ARHGAP25: variants seen among roughly 807,000 people sequenced by gnomAD.
ARHGAP25 encodes rho GTPase-activating protein 25.
ARHGAP25 carries 34 observed loss-of-function variants against 71.0 expected under a neutral mutation model. The observed-to-expected ratio is 0.48, with a 90% CI of 0.36 to 0.64. The LOEUF is 0.64. ARHGAP25 is among the 30% of genes least tolerant of loss of function. The probability of loss-of-function intolerance (pLI) is 0.00; values close to 1 mark genes in which losing one functional copy is unlikely to be tolerated. For missense variants in ARHGAP25, 706 were observed against 805.1 expected (o/e 0.88, Z 1.49); for synonymous variants, 282 against 296.5 (o/e 0.95, Z 0.50).
At chr2:68,746,866 GGT>G (rs1308009376) in intron 1 of ARHGAP25, among the ~76,000 whole-genome samples, 1 of 151,908 alleles carries the variant, frequency 6.6e-6, no homozygotes, top group Non-Finnish European at 1.5e-5. Context: ...AAATTAGCTG[GGT>G]GTAGTGACGC....
chr2:68,796,572 G>A (rs12713663), intron 4 of ARHGAP25, among the ~76,000 whole-genome samples: 34,150 of 152,164 alleles, frequency 0.22, 5,085 homozygotes, highest in African/African-American at 0.43. Context: ...CTTAGTGTGT[G>A]CAGTGGTGAA....
chr2:68,809,280 G>T (rs376644115), intron 5 of ARHGAP25, among the ~76,000 whole-genome samples: 3 of 152,132 alleles, frequency 2.0e-5, no homozygotes, highest in Non-Finnish European at 2.9e-5. Context: ...GCTGTGCCCC[G>T]CAATGGGCAG....
intron 5 of ARHGAP25, among the ~76,000 whole-genome samples, chr2:68,809,225 T>G (rs1229607075): frequency 6.6e-6 from 1 of 152,254 alleles, no homozygotes; most frequent in African/African-American, 2.4e-5. Context: ...CACCCCCTTT[T>G]ATACTCCCCT....
Position 68,816,595 on chromosome 2 carries a change from C to T in ARHGAP25, c.881+233C>T, listed in dbSNP as rs1681252378. 32 of 517,092 alleles carry T rather than the reference C, an allele frequency of 6.2e-5. 2 individuals carry two copies. In the South Asian group the frequency reaches 7.1e-4, roughly 11 times the overall value. 32.0% of individuals were successfully genotyped at this position (517,092 alleles called of 1,614,324 possible). A position where few individuals can be genotyped will look rare whatever the true frequency, so the allele number is the denominator to read the frequency against. ...CCCATTTAGGCCTGCCTCAGCACTGCCCAGAGTCCTGGTACATGCAAGAGA... is the reference window on the plus strand; with the variant it reads ...CCCATTTAGGCCTGCCTCAGCACTGTCCAGAGTCCTGGTACATGCAAGAGA... On this transcript the variant is annotated intron_variant, in intron 7 of 10. Transcript: ENST00000409202.
intron 4 of ARHGAP25, among the ~76,000 whole-genome samples, chr2:68,796,871 G>A (rs904326205): frequency 5.3e-5 from 8 of 152,170 alleles, no homozygotes; most frequent in Non-Finnish European, 8.8e-5. Context: ...GATGGTGGGG[G>A]CAGTGGGTAT....
chr2:68,818,868 C>T (rs1185418465), intron 8 of ARHGAP25, among the ~76,000 whole-genome samples: 10 of 152,242 alleles, frequency 6.6e-5, no homozygotes. Context: ...TGATCAAAAA[C>T]TAATCCAGTG....
chr2:68,819,495 C>T, intron 9 of ARHGAP25, 176 bp downstream of exon 9: 2 of 742,840 alleles, frequency 2.7e-6, no homozygotes, highest in Non-Finnish European at 4.8e-6. Flanking sequence ...CTTTCCAAAT[C>T]TAGTTTCTAT....
intron 2 of ARHGAP25, among the ~76,000 whole-genome samples, chr2:68,711,707 C>T (rs532851607): frequency 7.1e-6 from 1 of 141,582 alleles, no homozygotes; most frequent in Non-Finnish European, 1.5e-5. Flanking sequence ...TGTGATGTTC[C>T]CCTCCCTGTG....
intron 1 of ARHGAP25, among the ~76,000 whole-genome samples, chr2:68,738,423 C>T (rs897575343): frequency 6.6e-6 from 1 of 152,088 alleles, no homozygotes; most frequent in African/African-American, 2.4e-5. Context: ...CCATGGTGAA[C>T]TGATTTGTGT....
intron 1 of ARHGAP25, among the ~76,000 whole-genome samples, chr2:68,758,677 C>G (rs1676627570): frequency 6.6e-6 from 1 of 151,744 alleles, no homozygotes; most frequent in Non-Finnish European, 1.5e-5. Context: ...CTTCAATACT[C>G]CACTCCAATA....
chr2:68,782,565 T>C (rs1477310911), intron 3 of ARHGAP25, among the ~76,000 whole-genome samples: 1 of 152,208 alleles, frequency 6.6e-6, no homozygotes, highest in Non-Finnish European at 1.5e-5. Context: ...CTGTAAGCAT[T>C]TCATGAGCGT....
chr2:68,738,189 G>T (rs1275869808), intron 1 of ARHGAP25, among the ~76,000 whole-genome samples: 2 of 151,792 alleles, frequency 1.3e-5, no homozygotes, highest in Non-Finnish European at 2.9e-5. Context: ...GCCTTTCACT[G>T]CCTTCACGCA....
At chr2:68,712,500 C>T (rs1674509910) in intron 2 of ARHGAP25, among the ~76,000 whole-genome samples, 1 of 152,146 alleles carries the variant, frequency 6.6e-6, no homozygotes, top group African/African-American at 2.4e-5. Context: ...TGTACAGAAG[C>T]TCTTTAGTTT....
At chr2:68,730,977 G>A (rs1675007585), upstream of ARHGAP25, among the ~76,000 whole-genome samples, 1 of 152,140 alleles carries the variant, frequency 6.6e-6, no homozygotes. Flanking sequence ...CACTATTTTT[G>A]TATCTTGCAC....
chr2:68,714,482 C>G (rs535434922), intron 2 of ARHGAP25, among the ~76,000 whole-genome samples: 1 of 152,248 alleles, frequency 6.6e-6, no homozygotes, highest in Admixed American at 6.5e-5. Context: ...GTATCTATCT[C>G]TTTCTTCTGC....
At chr2:68,766,799 T>C (rs1677149611) in intron 1 of ARHGAP25, among the ~76,000 whole-genome samples, 1 of 152,034 alleles carries the variant, frequency 6.6e-6, no homozygotes, top group Non-Finnish European at 1.5e-5. Context: ...TCTCTCTCCC[T>C]CTCTCTTTTT....
chr2:68,756,392 T>G (rs1375506785), intron 1 of ARHGAP25, among the ~76,000 whole-genome samples: 1 of 152,238 alleles, frequency 6.6e-6, no homozygotes, highest in East Asian at 1.9e-4. Flanking sequence ...TCCCTATTGT[T>G]GTAAGCACCT....
upstream of ARHGAP25, among the ~76,000 whole-genome samples, chr2:68,733,625 G>A (rs1229673565): frequency 6.6e-6 from 1 of 152,190 alleles, no homozygotes; most frequent in African/African-American, 2.4e-5. Context: ...ATAAGGTCAG[G>A]GATACAGCTT....
chr2:68,754,703 A>T (rs1676377576), intron 1 of ARHGAP25, among the ~76,000 whole-genome samples: 1 of 152,226 alleles, frequency 6.6e-6, no homozygotes, highest in Non-Finnish European at 1.5e-5. Flanking sequence ...CCTACTGGCC[A>T]TGTATAGAAA....
Sources: gnomAD v4.1 joint callset for allele counts (sites outside exome capture counted in the v4.1 genomes callset) on GRCh38, gnomAD v4.1.1 for gene constraint, MANE v1.5 for transcripts, NCBI Gene and HGNC (gene_info 2026-07-23, HGNC 2026-07-21) for gene names.